The following COMMD10 variants were observed in gnomAD, a reference collection of about 807,000 sequenced individuals.
COMMD10 encodes the protein COMM domain containing 10.
Under a neutral mutation model 28.9 loss-of-function variants are expected in COMMD10, and 33 were observed. That is an observed-to-expected ratio of 1.14 (90% CI 0.87 to 1.53). The LOEUF is 1.53. Ranked by LOEUF, COMMD10 falls within the 40% of genes most tolerant of loss-of-function variation. COMMD10 has a pLI of 0.00. For synonymous variants in COMMD10, 110 were observed against 81.7 expected (o/e 1.35, Z -1.87); for missense variants, 310 against 233.4 (o/e 1.33, Z -2.14).
At chr5:116,155,284 T>A (rs1448661893) in intron 5 of COMMD10, among the ~76,000 whole-genome samples, 1 of 152,160 alleles carries the variant, frequency 6.6e-6, no homozygotes. Context: ...CACATAAATA[T>A]GAAGTTTCTA....
chr5:116,212,906 T>C (rs1463305721), intron 5 of COMMD10, among the ~76,000 whole-genome samples: 1 of 152,098 alleles, frequency 6.6e-6, no homozygotes, highest in Admixed American at 6.5e-5. Flanking sequence ...TGTGGTTTTT[T>C]GGGTCAGTAT....
At chr5:116,208,739 G>C (rs113590950) in intron 5 of COMMD10, among the ~76,000 whole-genome samples, 53 of 152,198 alleles carry the variant, frequency 3.5e-4, no homozygotes, top group African/African-American at 1.3e-3. Context: ...CTTTCTCTGT[G>C]ATTGAGAACA....
At chr5:116,277,320 C>G (rs1750945164) in intron 5 of COMMD10, among the ~76,000 whole-genome samples, 1 of 151,772 alleles carries the variant, frequency 6.6e-6, no homozygotes, top group African/African-American at 2.4e-5. Context: ...TCACTTGATT[C>G]CAAGAAGATT....
At position 116,087,598 on chromosome 5, in the gene COMMD10, G is replaced by T; in HGVS notation, c.132+11G>T. 1 of 1,560,954 alleles carries T rather than the reference G, an allele frequency of 6.4e-7. No individual in the cohort carries two copies. Among genetic ancestry groups the T allele is most frequent in the Non-Finnish European group, 8.8e-7 (1 of 1,131,684 alleles). On this transcript the variant is annotated intron_variant, in intron 2 of 6. Coordinates refer to ENST00000274458, the MANE Select transcript of COMMD10 (RefSeq NM_016144.4). ...AAACTTCACCTGAAGGTTTGTATTT[G>T]TGTGTTTCCATGCCTTGTAATCTTC...
At chr5:116,229,993 C>T (rs1749488972) in intron 5 of COMMD10, among the ~76,000 whole-genome samples, 1 of 151,842 alleles carries the variant, frequency 6.6e-6, no homozygotes, top group South Asian at 2.1e-4. Flanking sequence ...CTAGCTTACT[C>T]CCTGTTAATG....
At chr5:116,270,486 A>T (rs1750725658) in intron 5 of COMMD10, among the ~76,000 whole-genome samples, 1 of 151,798 alleles carries the variant, frequency 6.6e-6, no homozygotes, top group African/African-American at 2.4e-5. Context: ...CTGTATTTAG[A>T]ACGGTCTAGA....
Position 116,197,392 on chromosome 5 carries a change from A to AT in COMMD10, c.510+63220dup, listed in dbSNP as rs1224842037. Among the ~76,000 whole-genome samples, 8 of 152,106 alleles carry AT rather than the reference A, an allele frequency of 5.3e-5. 1 individual carries two copies. The South Asian group carries it at 1.5e-3, about 28-fold the overall frequency. On this transcript the variant is annotated intron_variant, in intron 5 of 6. Coordinates refer to ENST00000274458, the MANE Select transcript of COMMD10 (RefSeq NM_016144.4). ...TGTAAGTAGAGTTGAAAACAGAATT[A>AT]TTTTTTGGAGATATGATCTTGCCCT...
intron 5 of COMMD10, among the ~76,000 whole-genome samples, chr5:116,145,784 G>A (rs145563506): frequency 6.6e-6 from 1 of 151,686 alleles, no homozygotes; most frequent in Non-Finnish European, 1.5e-5. Flanking sequence ...TTTTATAAGG[G>A]GCTCTTACCC....
rs138374661 is a variant in COMMD10, at chr5:116,230,923, G to T, written c.511-60594G>T. 6.9e-3 allele frequency among the ~76,000 whole-genome samples: 1,051 copies of T among 152,100 alleles called. 14 individuals carry two copies. Among genetic ancestry groups the T allele is most frequent in the African/African-American group, 0.024 (1,008 of 41,500 alleles). On this transcript the variant is annotated intron_variant, in intron 5 of 6. Coordinates refer to ENST00000274458, the MANE Select transcript of COMMD10 (RefSeq NM_016144.4). The stretch of plus-strand genomic sequence containing the variant: ...CTGATTTCATACTGTCTTCCTCCTG[G>T]CTTTCCATTGACTTACTGATTTCAG...
chr5:116,179,842 G>T (rs1747886909), intron 5 of COMMD10, among the ~76,000 whole-genome samples: 1 of 152,006 alleles, frequency 6.6e-6, no homozygotes, highest in Admixed American at 6.6e-5. Flanking sequence ...GTAGTAGTAG[G>T]AATGAAGTAG....
At chr5:116,108,225 T>C (rs1184473232) in intron 4 of COMMD10, among the ~76,000 whole-genome samples, 1 of 152,210 alleles carries the variant, frequency 6.6e-6, no homozygotes, top group Admixed American at 6.5e-5. Context: ...CACTGCTCTC[T>C]CCAGAGCTGC....
At chr5:116,138,680 T>C (rs1459892333) in intron 5 of COMMD10, among the ~76,000 whole-genome samples, 1 of 151,796 alleles carries the variant, frequency 6.6e-6, no homozygotes, top group Non-Finnish European at 1.5e-5. Flanking sequence ...AATTTTTATT[T>C]ATCTTAATGT....
chr5:116,162,059 T>C (rs1223798352), intron 5 of COMMD10, among the ~76,000 whole-genome samples: 1 of 152,232 alleles, frequency 6.6e-6, no homozygotes, highest in Admixed American at 6.5e-5. Flanking sequence ...GATTGTAATA[T>C]ATGTTGACCT....
At chr5:116,180,651 A>G (rs1747924188) in intron 5 of COMMD10, among the ~76,000 whole-genome samples, 1 of 152,030 alleles carries the variant, frequency 6.6e-6, no homozygotes, top group African/African-American at 2.4e-5. Flanking sequence ...TTATTTGAAA[A>G]ACGAATTTAG....
At chr5:116,224,556 G>T (rs1376612756) in intron 5 of COMMD10, among the ~76,000 whole-genome samples, 2 of 152,188 alleles carry the variant, frequency 1.3e-5, no homozygotes, top group Non-Finnish European at 2.9e-5. Context: ...GAGGGAACAA[G>T]GGTCCGGGGC....
intron 5 of COMMD10, among the ~76,000 whole-genome samples, chr5:116,186,090 C>G (rs1376395594): frequency 6.6e-6 from 1 of 152,122 alleles, no homozygotes; most frequent in Admixed American, 6.6e-5. Flanking sequence ...TTATCTTTCT[C>G]CCTGTAGACT....
At position 116,170,306 on chromosome 5, in the gene COMMD10, G is replaced by A. The variant is rs116625865; in HGVS notation, c.510+36128G>A. On this transcript the variant is annotated intron_variant, in intron 5 of 6. Transcript: ENST00000274458. ...GGGATGTGAAAGACCTCTTCAAGGG[G>A]AACTGCAAACAACTTCTCAAGGAAA... Among the ~76,000 whole-genome samples the A allele has an allele frequency of 4.8e-3, 727 of 152,256 alleles. 4 individuals are homozygous for A. Among genetic ancestry groups the A allele is most frequent in the Non-Finnish European group, 7.6e-3 (517 of 68,030 alleles).
At chr5:116,105,427 G>T (rs1387594286) in intron 4 of COMMD10, among the ~76,000 whole-genome samples, 1 of 152,040 alleles carries the variant, frequency 6.6e-6, no homozygotes, top group Non-Finnish European at 1.5e-5. Flanking sequence ...TTCTTTTTTT[G>T]TTGTGTCTCT....
intron 5 of COMMD10, among the ~76,000 whole-genome samples, chr5:116,241,583 C>CTTATTTATTTAT (rs61328599): frequency 0.041 from 5,805 of 140,444 alleles, 128 homozygotes; most frequent in Non-Finnish European, 0.045. Context: ...ACTCTGCTTT[C>CTTATTTATTTAT]TTATTTATTT....
Sources: gnomAD v4.1 joint callset for allele counts (sites outside exome capture counted in the v4.1 genomes callset) on GRCh38, gnomAD v4.1.1 for gene constraint, MANE v1.5 for transcripts, NCBI Gene and HGNC (gene_info 2026-07-23, HGNC 2026-07-21) for gene names.